ATP8A2: variants seen among roughly 807,000 people sequenced by gnomAD.
ATP8A2 encodes ATPase phospholipid transporting 8A2.
A neutral mutation model predicts 165.6 loss-of-function variants in ATP8A2; 100 were observed. That is an observed-to-expected ratio of 0.60 (90% CI 0.51 to 0.71). The LOEUF (loss-of-function observed/expected upper bound fraction) is 0.71, where lower values mean the gene tolerates loss of function less well. Ranked by LOEUF, ATP8A2 falls within the 30% of genes least tolerant of loss-of-function variation. ATP8A2 has a pLI of 0.00. For missense variants in ATP8A2, 1,227 were observed against 1,479.5 expected (o/e 0.83, Z 2.80); for synonymous variants, 543 against 548.8 (o/e 0.99, Z 0.15).
intron 35 of ATP8A2, among the ~76,000 whole-genome samples, chr13:26,005,234 A>G (rs1173138271): frequency 6.6e-6 from 1 of 151,978 alleles, no homozygotes; most frequent in Non-Finnish European, 1.5e-5. Flanking sequence ...ATTTGTTGCC[A>G]TATGATTGTT....
intron 35 of ATP8A2, among the ~76,000 whole-genome samples, 157 bp from the exon 36 acceptor site, chr13:26,012,374 T>C (rs1357488596): frequency 1.3e-5 from 2 of 152,020 alleles, no homozygotes; most frequent in South Asian, 2.1e-4. Flanking sequence ...GGCGCCCAGA[T>C]GGCATCTGCT....
At chr13:25,767,139 G>C (rs1040276087) in intron 25 of ATP8A2, among the ~76,000 whole-genome samples, 1 of 152,240 alleles carries the variant, frequency 6.6e-6, no homozygotes, top group African/African-American at 2.4e-5. Flanking sequence ...AATCACTTTT[G>C]TGTAGCCAGT....
chr13:25,579,264 A>T (rs2039702808), intron 21 of ATP8A2, among the ~76,000 whole-genome samples: 1 of 152,208 alleles, frequency 6.6e-6, no homozygotes, highest in African/African-American at 2.4e-5. Context: ...GCAGGAAAGG[A>T]GTTCTCTGGA....
intron 27 of ATP8A2, among the ~76,000 whole-genome samples, chr13:25,802,823 C>A (rs1950648962): frequency 6.6e-6 from 1 of 152,138 alleles, no homozygotes; most frequent in South Asian, 2.1e-4. Context: ...TGGTTACTGC[C>A]TCACTAGAGG....
At chr13:25,946,565 T>G (rs1955218560) in intron 33 of ATP8A2, among the ~76,000 whole-genome samples, 1 of 152,178 alleles carries the variant, frequency 6.6e-6, no homozygotes, top group Admixed American at 6.5e-5. Context: ...ATTCTTGACT[T>G]AATTCCACTC....
At chr13:25,558,925 T>C in intron 13 of ATP8A2, 48 bp from the exon 14 acceptor site, 1 of 1,288,160 alleles carries the variant, frequency 7.8e-7, no homozygotes, top group Non-Finnish European at 1.1e-6. Context: ...TGTTGATCTT[T>C]GCATCTCAAT....
intron 35 of ATP8A2, among the ~76,000 whole-genome samples, chr13:26,008,338 C>G (rs1292032247): frequency 6.6e-6 from 1 of 151,972 alleles, no homozygotes; most frequent in Non-Finnish European, 1.5e-5. Context: ...AAAAATAAAA[C>G]ATATAGACAT....
chr13:25,785,863 C>T (rs893161296), intron 27 of ATP8A2, among the ~76,000 whole-genome samples: 30 of 152,300 alleles, frequency 2.0e-4, no homozygotes, highest in African/African-American at 2.4e-4. Flanking sequence ...AAGGAGGACA[C>T]GGGAATTCGT....
intron 2 of ATP8A2, among the ~76,000 whole-genome samples, chr13:25,515,053 G>A (rs904880289): frequency 1.3e-5 from 2 of 152,136 alleles, no homozygotes; most frequent in East Asian, 1.9e-4. Context: ...TAGTGTGGGC[G>A]GCCCCATCAA....
intron 24 of ATP8A2, among the ~76,000 whole-genome samples, chr13:25,697,298 G>A (rs530846976): frequency 4.0e-5 from 6 of 149,428 alleles, no homozygotes; most frequent in Non-Finnish European, 8.9e-5. Flanking sequence ...TGTTGTTTTT[G>A]AGACGGAGCC....
chr13:25,505,031 TTTC>T (rs1472314183), intron 2 of ATP8A2, among the ~76,000 whole-genome samples: 1 of 152,196 alleles, frequency 6.6e-6, no homozygotes, highest in Admixed American at 6.5e-5. Context: ...CATCTTCCTC[TTTC>T]TTATGTGAGA....
intron 24 of ATP8A2, among the ~76,000 whole-genome samples, chr13:25,632,439 G>C (rs2041264621): frequency 6.6e-6 from 1 of 152,080 alleles, no homozygotes; most frequent in Admixed American, 6.5e-5. Context: ...GGTGACCTAG[G>C]GGTCACTGGT....
At chr13:25,951,830 GT>G (rs1197601187) in intron 33 of ATP8A2, among the ~76,000 whole-genome samples, 1 of 152,192 alleles carries the variant, frequency 6.6e-6, no homozygotes. Context: ...CACTGTCAAA[GT>G]AAGTGTGTTT....
intron 35 of ATP8A2, among the ~76,000 whole-genome samples, chr13:25,976,874 T>G (rs1956055510): frequency 6.6e-6 from 1 of 152,144 alleles, no homozygotes; most frequent in South Asian, 2.1e-4. Context: ...CTGCAACCTC[T>G]GCCTCCCAGG....
chr13:25,920,591 G>A (rs1283507811), intron 33 of ATP8A2, among the ~76,000 whole-genome samples: 1 of 152,124 alleles, frequency 6.6e-6, no homozygotes, highest in Non-Finnish European at 1.5e-5. Context: ...AATTTGCCAA[G>A]TCTCCTTGCA....
intron 24 of ATP8A2, among the ~76,000 whole-genome samples, chr13:25,621,943 T>A (rs1249093207): frequency 6.6e-6 from 1 of 151,924 alleles, no homozygotes; most frequent in East Asian, 1.9e-4. Context: ...GAAGCTGAGG[T>A]GGGTGGATCA....
intron 33 of ATP8A2, among the ~76,000 whole-genome samples, chr13:25,874,398 C>T (rs990292017): frequency 1.3e-5 from 2 of 152,230 alleles, no homozygotes; most frequent in Non-Finnish European, 2.9e-5. Context: ...CCTTTCCTCA[C>T]ATCCTGGACC....
chr13:25,674,820 A>G (rs1005057946), intron 24 of ATP8A2, among the ~76,000 whole-genome samples: 8 of 152,336 alleles, frequency 5.3e-5, no homozygotes, highest in Middle Eastern at 3.4e-3. Flanking sequence ...TGGGAGTGGT[A>G]TTGAAGTAAG....
At chr13:25,509,141 T>C (rs2037140974) in intron 2 of ATP8A2, among the ~76,000 whole-genome samples, 1 of 152,178 alleles carries the variant, frequency 6.6e-6, no homozygotes, top group African/African-American at 2.4e-5. Context: ...TCTAGAAGTA[T>C]CAAAATATCA....
Sources: gnomAD v4.1 joint callset for allele counts (sites outside exome capture counted in the v4.1 genomes callset) on GRCh38, gnomAD v4.1.1 for gene constraint, MANE v1.5 for transcripts, NCBI Gene and HGNC (gene_info 2026-07-23, HGNC 2026-07-21) for gene names.